Variants in MYO1G observed in about 807,000 individuals in gnomAD.
MYO1G encodes the protein myosin IG, also known as unconventional myosin-Ig.
Under a neutral mutation model 115.3 loss-of-function variants are expected in MYO1G, and 65 were observed. That is an observed-to-expected ratio of 0.56 (90% CI 0.46 to 0.69). MYO1G has a LOEUF of 0.69. Ranked by LOEUF, MYO1G falls within the 30% of genes least tolerant of loss-of-function variation. The pLI, the probability that MYO1G is intolerant of heterozygous loss-of-function variation, is 0.00. For missense variants in MYO1G, 1,204 were observed against 1,393.5 expected (o/e 0.86, Z 2.16); for synonymous variants, 510 against 552.6 (o/e 0.92, Z 1.08).
rs751994407 is a variant in MYO1G, at chr7:44,976,415, CATT to C, written c.398+146_398+148del. 5.4e-5 allele frequency: 40 copies of C among 735,620 alleles called. No individual in the cohort carries two copies. The Middle Eastern group carries it at 1.2e-3, about 21-fold the overall frequency. 45.6% of individuals were successfully genotyped at this position (735,620 alleles called of 1,614,324 possible). A position where few individuals can be genotyped will look rare whatever the true frequency, so the allele number is the denominator to read the frequency against. On this transcript the variant is annotated intron_variant, in intron 3 of 21. Transcript: ENST00000258787. ...CCTGTCTCACCTCCGGGTGTGTTGG[CATT>C]ATCTGGAAACTTCCCAAGTTCCCAC...
At chr7:44,975,396 C>A (rs62461375) in intron 4 of MYO1G, 88 bp downstream of exon 4, 1 of 1,549,812 alleles carries the variant, frequency 6.5e-7, no homozygotes, top group Non-Finnish European at 8.8e-7. Flanking sequence ...CCCTCCTAAG[C>A]TGCACCGTCG....
In MYO1G at chr7:44,964,471, T is replaced by C; in HGVS notation, c.2575A>G (p.Thr859Ala). The C allele has an allele frequency of 6.2e-7, 1 of 1,614,000 alleles. No individual in the cohort carries two copies. The highest frequency in any genetic ancestry group is 8.5e-7 in the Non-Finnish European group (1 of 1,179,996). ...CCGAAGCCATCTTTGTCCTGAAGTG[T>C]CTTTAGTCGCTGAGCAAACAGGCTT... ...ASSLFAQRLKTLQDKDGFGAV... is the reference protein window; with the variant it reads ...ASSLFAQRLKALQDKDGFGAV... The change falls in exon 19 of 22, where the codon ACA becomes GCA. Residue 859 changes from threonine (T) to alanine (A), a missense_variant. Transcript: ENST00000258787. The surrounding 1 kb of genome is among the most constrained non-coding windows in gnomAD (Gnocchi z 5.1).
chr7:44,966,192 GC>G lies in MYO1G; in HGVS notation c.2037del (p.Leu680CysfsTer54). ...AAVSALLEQH[G>X]LQGDVAFGHS... ...TGGCCAAAGGCCACGTCCCCCTGCAGCCCGTGCTGCTCCAGGAGAGCGCTCA... is the reference window on the plus strand; with the variant it reads ...TGGCCAAAGGCCACGTCCCCCTGCAGCCGTGCTGCTCCAGGAGAGCGCTCA... On this transcript the variant is annotated frameshift_variant, in exon 16 of 22. Coordinates refer to ENST00000258787, the MANE Select transcript of MYO1G (RefSeq NM_033054.3). LOFTEE classifies it high-confidence loss of function. This position sits in a 1 kb window ranked among gnomAD's most constrained non-coding sequence, Gnocchi z 5.0. 6.2e-7 allele frequency: 1 copy of G among 1,612,786 alleles called. No homozygotes were observed.
rs1055289877 is a variant in MYO1G at position 44,963,383 on chromosome 7, C to T, written c.2746-259G>A. On this transcript the variant is annotated intron_variant, in intron 20 of 21. Transcript: ENST00000258787. This position sits in a 1 kb window ranked among gnomAD's most constrained non-coding sequence, Gnocchi z 4.1. ...AGATCCTTGCTGTCCAACAGGGCCG[C>T]CACTGCTCACCTGTGGATGCTAAGC... 3.4e-5 allele frequency: 16 copies of T among 477,228 alleles called. No homozygotes were observed. Among genetic ancestry groups the T allele is most frequent in the African/African-American group, 3.1e-4 (15 of 48,690 alleles). 29.6% of individuals were successfully genotyped at this position (477,228 alleles called of 1,614,324 possible).
intron 14 of MYO1G, among the ~76,000 whole-genome samples, chr7:44,967,230 G>T (rs1794863209): frequency 6.6e-6 from 1 of 152,226 alleles, no homozygotes; most frequent in South Asian, 2.1e-4. Flanking sequence ...AGCTCCCCAA[G>T]AAAGCTTGTG....
chr7:44,966,496 T>G lies in MYO1G; in HGVS notation c.1949+176A>C. Reference sequence around the variant, plus strand: ...ATGTTCCCACCTGTATGTCCCCACATGCATGTGCTCACACACATGTCTTCC... The same window carrying G: ...ATGTTCCCACCTGTATGTCCCCACAGGCATGTGCTCACACACATGTCTTCC... On this transcript the variant is annotated intron_variant, in intron 15 of 21. Transcript: ENST00000258787. The surrounding 1 kb of genome is among the most constrained non-coding windows in gnomAD (Gnocchi z 5.0). 1 of 863,276 alleles carries G rather than the reference T, an allele frequency of 1.2e-6. No homozygotes were observed. Among genetic ancestry groups the G allele is most frequent in the Non-Finnish European group, 1.9e-6 (1 of 530,240 alleles). 53.5% of individuals were successfully genotyped at this position (863,276 alleles called of 1,614,324 possible). A position where few individuals can be genotyped will look rare whatever the true frequency, so the allele number is the denominator to read the frequency against.
At chr7:44,972,424 C>T in intron 5 of MYO1G, 199 bp from the exon 6 acceptor site, 2 of 561,154 alleles carry the variant, frequency 3.6e-6, no homozygotes, top group Non-Finnish European at 6.5e-6. Flanking sequence ...GGGAGCTCCA[C>T]TTCAGTGGGA....
chr7:44,971,576 GGCAT>G (rs1794958260), intron 7 of MYO1G, 93 bp downstream of exon 7: 2 of 843,592 alleles, frequency 2.4e-6, no homozygotes, highest in South Asian at 3.3e-5. Context: ...ACATTGCTGG[GGCAT>G]CTCCAGCCAG....
rs1474555494 is a variant in MYO1G at position 44,969,273 on chromosome 7, C to G, written c.1574+140G>C. 1 of 755,696 alleles carries G rather than the reference C, an allele frequency of 1.3e-6. No individual in the cohort carries two copies. Among genetic ancestry groups the G allele is most frequent in the African/African-American group, 1.7e-5 (1 of 58,686 alleles). The allele number at this position is 755,696 out of a possible 1,614,324, so 46.8% of individuals were successfully genotyped here. A position where few individuals can be genotyped will look rare whatever the true frequency, so the allele number is the denominator to read the frequency against. ...TGTGAATCTGCTGTCCGGCATGTTT[C>G]AGTGTCTTAAAGGGGTGGGGGTGGC... On this transcript the variant is annotated intron_variant, in intron 12 of 21. Coordinates refer to ENST00000258787, the MANE Select transcript of MYO1G (RefSeq NM_033054.3). This position sits in a 1 kb window ranked among gnomAD's most constrained non-coding sequence, Gnocchi z 5.0.
At chr7:44,968,213 C>T (rs1405112812) in intron 12 of MYO1G, among the ~76,000 whole-genome samples, 1 of 152,234 alleles carries the variant, frequency 6.6e-6, no homozygotes, top group East Asian at 1.9e-4. Context: ...AGCTCTGAAG[C>T]CAAATGTCCT....
At position 44,970,973 on chromosome 7, in the gene MYO1G, C is replaced by T. The variant is rs1175467703; in HGVS notation, c.933G>A (p.Val311=). 2 of 1,613,548 alleles carry T rather than the reference C, an allele frequency of 1.2e-6. No homozygotes were observed. The highest frequency in any genetic ancestry group is 1.1e-5 in the South Asian group (1 of 91,080). ...CCCGGGGTGTGGCCGTCAGCTCAGC[C>T]ACATGGTCCACCAGTGCCTCCTCGG... The part of the protein sequence containing the change: ...AVAEEALVDH[V]AELTATPRDL... Residue 311 remains valine (V), a synonymous_variant, in exon 8 of 22, where the codon GTG becomes GTA. Transcript: ENST00000258787.
rs746230310 is a variant in MYO1G at position 44,964,189 on chromosome 7, C to T, written c.2632-27G>A. The T allele has an allele frequency of 1.2e-5, 19 of 1,553,150 alleles. No homozygotes were observed. The highest frequency in any genetic ancestry group is 1.9e-5 in the Admixed American group (1 of 52,434). On this transcript the variant is annotated intron_variant, in intron 19 of 21. Transcript: ENST00000258787. This position sits in a 1 kb window ranked among gnomAD's most constrained non-coding sequence, Gnocchi z 5.1. ...TGTGGGAGAGGTGGCTGGACCCAGG[C>T]TGGTGCTGCCCTGTCACCCACCAGG... is the stretch of plus-strand genomic sequence containing the variant.
At chr7:44,972,412 C>G in intron 5 of MYO1G, 187 bp from the exon 6 acceptor site, 1 of 573,110 alleles carries the variant, frequency 1.7e-6, no homozygotes, top group Non-Finnish European at 3.2e-6. Flanking sequence ...TTCAGTGGGT[C>G]AGGGAGCTCC....
At chr7:44,970,443 C>A (rs1794933523) in intron 9 of MYO1G, 149 bp downstream of exon 9, 2 of 989,028 alleles carry the variant, frequency 2.0e-6, no homozygotes. Context: ...GCAGGTGAGG[C>A]AGGTTTGGGA....
intron 9 of MYO1G, 82 bp downstream of exon 9, chr7:44,970,510 C>T (rs1161923652): frequency 1.5e-5 from 23 of 1,566,002 alleles, no homozygotes; most frequent in Non-Finnish European, 1.9e-5. Context: ...TCCTGCTGCC[C>T]AGCCCCAGCC....
At position 44,964,951 on chromosome 7, in the gene MYO1G, C is replaced by G; in HGVS notation, c.2520G>C (p.Leu840=). The G allele has an allele frequency of 1.3e-6, 2 of 1,599,164 alleles. No individual in the cohort carries two copies. The highest frequency in any genetic ancestry group is 1.7e-6 in the Non-Finnish European group (2 of 1,168,846). The change falls in exon 18 of 22, where the codon CTG becomes CTC. Residue 840 remains leucine, a synonymous_variant. Transcript: ENST00000258787. This position sits in a 1 kb window ranked among gnomAD's most constrained non-coding sequence, Gnocchi z 5.1. The part of the protein sequence containing the change: ...GCRRAWARDY[L]SSATDNPTAS... ...GGACTCGCCTGGCACTTACAGAGGA[C>G]AGGTAGTCTCGGGCCCAGGCCCGTC... is the stretch of plus-strand genomic sequence containing the variant.
Position 44,969,944 on chromosome 7 carries a change from A to T in MYO1G, c.1333-69T>A. 1 of 1,587,776 alleles carries T rather than the reference A, an allele frequency of 6.3e-7. No individual in the cohort carries two copies. Among genetic ancestry groups the T allele is most frequent in the Non-Finnish European group, 8.6e-7 (1 of 1,165,224 alleles). The stretch of plus-strand genomic sequence containing the variant: ...GGCCACCTCCCCTCCTCCGCCCCAC[A>T]CTCAGCCACCTGTCAGGCCAGCCCG... On this transcript the variant is annotated intron_variant, in intron 10 of 21. Transcript: ENST00000258787. The surrounding 1 kb of genome is among the most constrained non-coding windows in gnomAD (Gnocchi z 5.0).
chr7:44,972,453 A>G, intron 5 of MYO1G: 3 of 517,910 alleles, frequency 5.8e-6, no homozygotes, highest in Non-Finnish European at 1.1e-5. Context: ...TCCACCATGA[A>G]GTCACTGTTC....
At chr7:44,978,622 G>C (rs1378572326) in intron 1 of MYO1G, among the ~76,000 whole-genome samples, 1 of 152,228 alleles carries the variant, frequency 6.6e-6, no homozygotes, top group Non-Finnish European at 1.5e-5. Flanking sequence ...GGTGGGTTGA[G>C]GTGGTGGGCA....
Sources: allele counts gnomAD v4.1 joint callset (sites outside exome capture counted in the v4.1 genomes callset), GRCh38; gene constraint gnomAD v4.1.1; non-coding constraint Gnocchi (gnomAD v3.1); transcripts MANE v1.5; gene names NCBI Gene and HGNC (gene_info 2026-07-23, HGNC 2026-07-21).